BSG: variants seen among roughly 807,000 people sequenced by gnomAD.
BSG encodes the protein basigin (Ok blood group).
Under a neutral mutation model 43.1 loss-of-function variants are expected in BSG, and 37 were observed. The ratio of observed to expected loss-of-function variants is 0.86; its 90% CI spans 0.66 to 1.13. The LOEUF is 1.13. Ranked by LOEUF, BSG falls within the 50% of genes most tolerant of loss-of-function variation. The pLI is 0.00. For synonymous variants in BSG, 309 were observed against 238.7 expected, an observed-to-expected ratio of 1.29 and a Z score of -2.72; for missense variants, 599 against 554.2, an observed-to-expected ratio of 1.08 and a Z score of -0.81.
chr19:581,675 G>A (rs1331725468), intron 6 of BSG, 84 bp downstream of exon 6: 22 of 1,449,842 alleles, frequency 1.5e-5, no homozygotes, highest in South Asian at 2.8e-5. Context: ...CAGCCCCACC[G>A]CTGACCCAGA....
At chr19:576,383 C>T (rs888728015) in intron 1 of BSG, among the ~76,000 whole-genome samples, 2 of 152,244 alleles carry the variant, frequency 1.3e-5, no homozygotes, top group African/African-American at 4.8e-5. Context: ...CCTCGCCCAG[C>T]TCTGCACATA....
At chr19:582,645 G>A in intron 8 of BSG, 63 bp downstream of exon 8, 1 of 1,406,976 alleles carries the variant, frequency 7.1e-7, no homozygotes, top group Non-Finnish European at 9.7e-7. Flanking sequence ...GAACTCCTGA[G>A]CCAGGTGTGG....
intron 4 of BSG, 52 bp downstream of exon 4, chr19:580,513 G>T: frequency 2.5e-6 from 4 of 1,606,490 alleles, no homozygotes; most frequent in South Asian, 1.1e-5. Flanking sequence ...GGGAGAAGTT[G>T]TTGGCCTGAG....
chr19:577,944 C>G lies in BSG; in HGVS notation c.238C>G (p.His80Asp). The change falls in exon 2 of 9, where the codon CAC (histidine) becomes GAC (aspartate). Residue 80 changes from histidine to aspartate, a missense_variant. His to Asp is a moderately conservative substitution (Grantham distance 81). Transcript: ENST00000333511. ...GGACGGCGCCCGGCTGGACCGCGTCCACATCCACGCCACCTACCACCAGCA... is the reference window on the plus strand; with the variant it reads ...GGACGGCGCCCGGCTGGACCGCGTCGACATCCACGCCACCTACCACCAGCA... ...LWDGARLDRV[H>D]IHATYHQHAA... 2 of 1,610,344 alleles carry G rather than the reference C, an allele frequency of 1.2e-6. No individual in the cohort carries two copies. Among genetic ancestry groups the G allele is most frequent in the East Asian group, 4.5e-5 (2 of 44,790 alleles).
At position 577,996 on chromosome 19, in the gene BSG, CGCTCGT is replaced by C. The variant is rs1568350223; in HGVS notation, c.292_297del (p.Leu98_Val99del). 6.2e-7 allele frequency: 1 copy of C among 1,612,164 alleles called. No individual in the cohort carries two copies. The highest frequency in any genetic ancestry group is 1.7e-5 in the Admixed American group (1 of 59,968). On this transcript the variant is annotated inframe_deletion, in exon 2 of 9. Coordinates refer to ENST00000333511, the MANE Select transcript of BSG (RefSeq NM_001728.4). ...GCGGCCAGCACCATCTCCATCGACA[CGCTCGT>C]GGAGGAGGACACGGGCACTTACGAG...
Position 580,633 on chromosome 19 carries a change from A to G in BSG, c.656-13A>G, listed in dbSNP as rs778896779. On this transcript the variant is annotated splice_polypyrimidine_tract_variant and intron_variant, in intron 4 of 8. Coordinates refer to ENST00000333511, the MANE Select transcript of BSG (RefSeq NM_001728.4). ...CTGCGGTTCCAGGCTCCTCTCTCTC[A>G]CCCTCCTGTCAGGGCCTCCCAGAGT... 1 of 1,612,232 alleles carries G rather than the reference A, an allele frequency of 6.2e-7. No individual in the cohort carries two copies. The highest frequency in any genetic ancestry group is 1.1e-5 in the South Asian group (1 of 91,070).
At position 579,557 on chromosome 19, in the gene BSG, C is replaced by G. The variant is rs777154605; in HGVS notation, c.473C>G (p.Ser158Cys). The G allele has an allele frequency of 3.1e-6, 5 of 1,612,762 alleles. No homozygotes were observed. The highest frequency in any genetic ancestry group is 4.2e-6 in the Non-Finnish European group (5 of 1,179,936). Residue 158 changes from serine to cysteine, a missense_variant, in exon 3 of 9, where the codon TCC (serine) becomes TGC (cysteine). Physicochemically the swap from Ser to Cys is moderately radical, Grantham distance 112. Coordinates refer to ENST00000333511, the MANE Select transcript of BSG (RefSeq NM_001728.4). ...DLGSKILLTCSLNDSATEVTG... is the reference protein window; with the variant it reads ...DLGSKILLTCCLNDSATEVTG... ...GGCTCCAAGATACTCCTCACCTGCT[C>G]CTTGAATGACAGCGCCACAGAGGTC...
intron 4 of BSG, 42 bp downstream of exon 4, chr19:580,503 G>A (rs1327870130): frequency 9.3e-6 from 15 of 1,606,922 alleles, no homozygotes; most frequent in African/African-American, 4.0e-5. Flanking sequence ...ACCGACTGTC[G>A]GGAGAAGTTG....
At chr19:578,273 C>A in intron 2 of BSG, 152 bp downstream of exon 2, 1 of 815,668 alleles carries the variant, frequency 1.2e-6, no homozygotes, top group Non-Finnish European at 1.8e-6. Context: ...GGGGCCCGGA[C>A]CTGAAGGGGG....
intron 7 of BSG, 78 bp from the exon 8 acceptor site, chr19:582,436 G>C: frequency 3.7e-6 from 6 of 1,602,812 alleles, no homozygotes; most frequent in Middle Eastern, 3.4e-4. Flanking sequence ...GGGGGTCCTG[G>C]GGGCCGGGGT....
intron 5 of BSG, among the ~76,000 whole-genome samples, chr19:581,065 C>T (rs1982267613): frequency 1.3e-5 from 1 of 76,222 alleles, no homozygotes; most frequent in Non-Finnish European, 2.3e-5. Flanking sequence ...GGACTGCAGC[C>T]CTCCAGACTG....
intron 4 of BSG, 92 bp downstream of exon 4, chr19:580,553 C>G: frequency 6.2e-7 from 1 of 1,604,204 alleles, no homozygotes; most frequent in African/African-American, 1.3e-5. Flanking sequence ...GCCCTGGCCC[C>G]CTGCTCCCTG....
chr19:575,754 T>C (rs28921974), intron 1 of BSG, among the ~76,000 whole-genome samples: 8,471 of 152,180 alleles, frequency 0.056, 246 homozygotes, highest in South Asian at 0.11. Context: ...AGAACATGGG[T>C]TACGTCTCAT....
At chr19:571,811 T>C, upstream of BSG, 1 of 567,474 alleles carries the variant, frequency 1.8e-6, no homozygotes, top group Non-Finnish European at 3.1e-6. Context: ...ACGCCCACAA[T>C]CTAAGCTGAT....
Position 581,402 on chromosome 19 carries a change from G to A in BSG, c.880G>A (p.Ala294Thr). The A allele has an allele frequency of 2.5e-6, 4 of 1,612,804 alleles. No individual in the cohort carries two copies. The highest frequency in any genetic ancestry group is 3.4e-6 in the Non-Finnish European group (4 of 1,179,952). The change falls in exon 6 of 9, where the codon GCC becomes ACC. Residue 294 changes from alanine (A) to threonine (T), a missense_variant. Coordinates refer to ENST00000333511, the MANE Select transcript of BSG (RefSeq NM_001728.4). ...ELHIENLNME[A>T]DPGQYRCNGT... ...ACACATTGAGAACCTGAACATGGAG[G>A]CCGACCCCGGCCAGTACCGGTGCAA...
rs796882752 is a variant in BSG, at chr19:580,527, C to T, written c.655+66C>T. ...CGGGAGAAGTTGTTGGCCTGAGGCA[C>T]CCGGCACATCCCAGAGCCCTGGCCC... On this transcript the variant is annotated intron_variant, in intron 4 of 8. Transcript: ENST00000333511. The T allele has an allele frequency of 5.6e-6, 9 of 1,604,360 alleles. 1 individual carries two copies. The highest frequency in any genetic ancestry group is 7.6e-6 in the Non-Finnish European group (9 of 1,176,956).
At chr19:572,365 C>A (rs957463860), upstream of BSG, 51 of 1,084,958 alleles carry the variant, frequency 4.7e-5, no homozygotes, top group Middle Eastern at 4.0e-4. Flanking sequence ...CAGCCGCGTC[C>A]CCGCAGGCCC....
chr19:578,962 C>T (rs1439072270), intron 2 of BSG: 1 of 453,222 alleles, frequency 2.2e-6, no homozygotes, highest in African/African-American at 2.0e-5. Flanking sequence ...GATCTCCCGA[C>T]CTCGAGATCC....
At chr19:578,157 G>T in intron 2 of BSG, 36 bp downstream of exon 2, 1 of 1,492,180 alleles carries the variant, frequency 6.7e-7, no homozygotes, top group Non-Finnish European at 9.0e-7. Flanking sequence ...GCCTCCCTCA[G>T]TTTCCCTCCT....
Sources: allele counts gnomAD v4.1 joint callset (sites outside exome capture counted in the v4.1 genomes callset), GRCh38; gene constraint gnomAD v4.1.1; transcripts MANE v1.5; gene names NCBI Gene and HGNC (gene_info 2026-07-23, HGNC 2026-07-21).